The following PTPN4 variants were observed in gnomAD, a reference collection of about 807,000 sequenced individuals.
The protein encoded by PTPN4 is tyrosine-protein phosphatase non-receptor type 4.
PTPN4 carries 49 observed loss-of-function variants against 135.5 expected under a neutral mutation model. That is an observed-to-expected ratio of 0.36 (90% CI 0.29 to 0.46). The LOEUF is 0.46. Ranked by LOEUF, PTPN4 falls within the 20% of genes least tolerant of loss-of-function variation. The pLI, the probability that PTPN4 is intolerant of heterozygous loss-of-function variation, is 1.00. For missense variants in PTPN4, 860 were observed against 1,101.0 expected, an observed-to-expected ratio of 0.78 and a Z score of 3.10; for synonymous variants, 333 against 369.9, an observed-to-expected ratio of 0.90 and a Z score of 1.14.
intron 2 of PTPN4, among the ~76,000 whole-genome samples, chr2:119,832,134 T>G (rs1369416139): frequency 1.3e-5 from 2 of 152,184 alleles, no homozygotes; most frequent in Non-Finnish European, 2.9e-5. Context: ...CCCATGTATA[T>G]TCTGTGATCA....
rs556358919 is a variant in PTPN4 at position 119,962,454 on chromosome 2, C to CA, written c.2281-150dup. Among the ~76,000 whole-genome samples the CA allele has an allele frequency of 9.2e-3, 983 of 106,866 alleles. 3 individuals carry two copies. The highest frequency in any genetic ancestry group is 0.02 in the African/African-American group (583 of 28,652). 70.1% of individuals were successfully genotyped at this position (106,866 alleles called of 152,430 possible). A position where few individuals can be genotyped will look rare whatever the true frequency, so the allele number is the denominator to read the frequency against. Reference sequence around the variant, plus strand: ...GGGCAACAAGAGCAAAACTCCATCGCAAAAAAAAAAAACACTAGTCAGCAG... The same window carrying CA: ...GGGCAACAAGAGCAAAACTCCATCGCAAAAAAAAAAAAACACTAGTCAGCAG... On this transcript the variant is annotated intron_variant, in intron 23 of 26. Transcript: ENST00000263708.
At chr2:119,906,921 TC>T (rs1203895354) in intron 10 of PTPN4, among the ~76,000 whole-genome samples, 6 of 152,198 alleles carry the variant, frequency 3.9e-5, no homozygotes, top group African/African-American at 1.4e-4. Context: ...GCCTGAAGAC[TC>T]CACTGAAAGT....
At chr2:119,947,688 C>T (rs1434003023) in intron 18 of PTPN4, among the ~76,000 whole-genome samples, 2 of 151,814 alleles carry the variant, frequency 1.3e-5, no homozygotes, top group Middle Eastern at 3.2e-3. Context: ...CAAGCCACTC[C>T]AGATAAACAC....
At chr2:119,806,065 G>A (rs1170432041) in intron 1 of PTPN4, among the ~76,000 whole-genome samples, 1 of 151,968 alleles carries the variant, frequency 6.6e-6, no homozygotes, top group Admixed American at 6.6e-5. Context: ...GCTTACAAGA[G>A]CTCCCGAAGG....
chr2:119,918,364 C>CT (rs1678688060), intron 11 of PTPN4, among the ~76,000 whole-genome samples: 1 of 152,168 alleles, frequency 6.6e-6, no homozygotes, highest in South Asian at 2.1e-4. Context: ...ATTAATAACT[C>CT]TGTTCATCAA....
chr2:119,843,691 G>A (rs1194588021), intron 2 of PTPN4, among the ~76,000 whole-genome samples: 1 of 70,914 alleles, frequency 1.4e-5, no homozygotes, highest in African/African-American at 7.0e-5. Context: ...TCCCAGTAGG[G>A]GCGGCCGGGC....
intron 2 of PTPN4, among the ~76,000 whole-genome samples, chr2:119,844,399 A>G (rs865949521): frequency 7.5e-4 from 97 of 128,544 alleles, no homozygotes; most frequent in African/African-American, 2.6e-3. Context: ...GGGCGGAGAC[A>G]CTCCTCACTT....
At chr2:119,909,622 G>A (rs954438167) in intron 10 of PTPN4, among the ~76,000 whole-genome samples, 1 of 152,126 alleles carries the variant, frequency 6.6e-6, no homozygotes, top group African/African-American at 2.4e-5. Context: ...AACATATTTT[G>A]TAAGGCTGTA....
chr2:119,903,937 A>G (rs960820898), intron 10 of PTPN4, among the ~76,000 whole-genome samples: 22 of 152,214 alleles, frequency 1.4e-4, no homozygotes, highest in African/African-American at 4.8e-4. Flanking sequence ...TGTGAAGACT[A>G]TGCTACTGCA....
intron 19 of PTPN4, among the ~76,000 whole-genome samples, chr2:119,954,664 A>G (rs1679256004): frequency 6.6e-6 from 1 of 152,328 alleles, no homozygotes; most frequent in East Asian, 1.9e-4. Context: ...TCACATTACC[A>G]TGACCATGAA....
At chr2:119,818,476 A>G (rs566407477) in intron 2 of PTPN4, among the ~76,000 whole-genome samples, 15 of 152,238 alleles carry the variant, frequency 9.9e-5, no homozygotes, top group South Asian at 4.2e-4. Flanking sequence ...TGTTTTTGCT[A>G]TGTTGCCCAG....
chr2:119,814,668 T>C (rs1676961827), intron 2 of PTPN4, among the ~76,000 whole-genome samples: 1 of 152,222 alleles, frequency 6.6e-6, no homozygotes, highest in Non-Finnish European at 1.5e-5. Flanking sequence ...TTACTAACTA[T>C]ACCTACACTG....
In PTPN4 at chr2:119,980,488, G is replaced by C. The variant is rs868326525; in HGVS notation, c.*3418G>C. 2.6e-5 allele frequency: 4 copies of C among 151,802 alleles called. No homozygotes were observed. Among genetic ancestry groups the C allele is most frequent in the African/African-American group, 4.8e-5 (2 of 41,358 alleles). 9.4% of individuals were successfully genotyped at this position (151,802 alleles called of 1,614,324 possible). A position where few individuals can be genotyped will look rare whatever the true frequency, so the allele number is the denominator to read the frequency against. On this transcript the variant is annotated 3_prime_UTR_variant, in exon 27 of 27. Transcript: ENST00000263708. ...CCATTTTTATCGGCATTAGGAAATA[G>C]GGTTCAGCAATGGTTATTGATTTAG...
intron 1 of PTPN4, among the ~76,000 whole-genome samples, chr2:119,794,611 C>T (rs1311477487): frequency 4.6e-5 from 7 of 152,204 alleles, no homozygotes; most frequent in Non-Finnish European, 7.3e-5. Flanking sequence ...TGCCAGAAAT[C>T]ACGGAGCCTT....
chr2:119,789,517 T>C (rs190029751), intron 1 of PTPN4, among the ~76,000 whole-genome samples: 1 of 152,312 alleles, frequency 6.6e-6, no homozygotes, highest in East Asian at 1.9e-4. Flanking sequence ...GCCATGAAGC[T>C]CTATTCCTAT....
chr2:119,795,721 T>C (rs1006174857), intron 1 of PTPN4, among the ~76,000 whole-genome samples: 4 of 152,244 alleles, frequency 2.6e-5, no homozygotes, highest in African/African-American at 9.6e-5. Context: ...GCAACATCCA[T>C]GCCTGGGGGG....
intron 2 of PTPN4, among the ~76,000 whole-genome samples, chr2:119,833,416 TA>T (rs1321298300): frequency 6.6e-6 from 1 of 152,202 alleles, no homozygotes; most frequent in Non-Finnish European, 1.5e-5. Flanking sequence ...GCTTAATAAA[TA>T]AGTTTTTATA....
intron 22 of PTPN4, among the ~76,000 whole-genome samples, chr2:119,958,849 T>C (rs1679326235): frequency 1.3e-5 from 2 of 152,222 alleles, no homozygotes; most frequent in Non-Finnish European, 1.5e-5. Context: ...AACACACATA[T>C]TTTCTCCATG....
Position 119,979,889 on chromosome 2 carries a change from T to C in PTPN4, c.*2819T>C, listed in dbSNP as rs1280402545. ...GAAGTGTTTGTGAAAACCTTCCCTT[T>C]CTGAGTTAGGATTGTTTTTTCCTGT... is the stretch of plus-strand genomic sequence containing the variant. On this transcript the variant is annotated 3_prime_UTR_variant, in exon 27 of 27. Transcript: ENST00000263708. 1 of 152,134 alleles carries C rather than the reference T, an allele frequency of 6.6e-6. No individual in the cohort carries two copies. The highest frequency in any genetic ancestry group is 1.5e-5 in the Non-Finnish European group (1 of 67,966). The allele number at this position is 152,134 out of a possible 1,614,324, so 9.4% of individuals were successfully genotyped here.
Sources: allele counts gnomAD v4.1 joint callset (sites outside exome capture counted in the v4.1 genomes callset), GRCh38; gene constraint gnomAD v4.1.1; transcripts MANE v1.5; gene names NCBI Gene and HGNC (gene_info 2026-07-23, HGNC 2026-07-21).